The following PALM2AKAP2 variants were observed in gnomAD, a reference collection of about 807,000 sequenced individuals.
PALM2AKAP2 encodes the protein PALM2-AKAP2 fusion protein.
In PALM2AKAP2, 37 loss-of-function variants were observed where a neutral mutation model predicts 71.5. The observed-to-expected ratio is 0.52, with a 90% CI of 0.40 to 0.68. The LOEUF (loss-of-function observed/expected upper bound fraction) is 0.68. PALM2AKAP2 is among the 30% of genes least tolerant of loss of function. PALM2AKAP2 has a pLI of 0.00. For synonymous variants in PALM2AKAP2, 468 were observed against 478.8 expected, an observed-to-expected ratio of 0.98 and a Z score of 0.29; for missense variants, 1,224 against 1,191.8, an observed-to-expected ratio of 1.03 and a Z score of -0.40.
intron 1 of PALM2AKAP2, among the ~76,000 whole-genome samples, chr9:109,648,782 T>C (rs555349190): frequency 6.6e-6 from 1 of 152,346 alleles, no homozygotes; most frequent in East Asian, 1.9e-4. Flanking sequence ...ATCCTCTTTT[T>C]TGAGCATCTT....
At position 110,096,155 on chromosome 9, in the gene PALM2AKAP2, C is replaced by T. The variant is rs371039239; in HGVS notation, c.157-39972C>T. Among the ~76,000 whole-genome samples the T allele has an allele frequency of 1.3e-3, 197 of 152,314 alleles. 4 individuals carry two copies. The South Asian group carries it at 0.04, about 31-fold the overall frequency. On this transcript the variant is annotated intron_variant, in intron 1 of 3. Transcript: ENST00000374525. The stretch of plus-strand genomic sequence containing the variant: ...GCATGATTAATGTCAGAATCAGGTC[C>T]AAAGGCCTCTGGCTCTGGTGATGGC...
chr9:110,098,872 T>C (rs1268011069), intron 1 of PALM2AKAP2, among the ~76,000 whole-genome samples: 1 of 152,196 alleles, frequency 6.6e-6, no homozygotes, highest in Non-Finnish European at 1.5e-5. Context: ...ATATCACAAA[T>C]AACCTATATA....
upstream of PALM2AKAP2, among the ~76,000 whole-genome samples, chr9:110,043,714 GTGTT>G (rs1833545260): frequency 1.0e-5 from 1 of 98,410 alleles, no homozygotes; most frequent in African/African-American, 4.4e-5. Context: ...GTTTTTTTTG[GTGTT>G]TTTTTTTTTT....
intron 1 of PALM2AKAP2, among the ~76,000 whole-genome samples, chr9:109,793,567 A>C (rs1012363389): frequency 1.3e-5 from 2 of 152,120 alleles, no homozygotes; most frequent in African/African-American, 2.4e-5. Flanking sequence ...TTTCCATTTT[A>C]CTAGTGTGAT....
At chr9:110,171,240 A>T (rs974230793) in exon 4 of PALM2AKAP2, 3 of 152,238 alleles carry the variant, frequency 2.0e-5, no homozygotes, top group African/African-American at 7.2e-5. Flanking sequence ...CTTTGACCAC[A>T]GTTGATTGAA....
chr9:109,705,939 A>G (rs1828136789), intron 1 of PALM2AKAP2, among the ~76,000 whole-genome samples: 1 of 152,162 alleles, frequency 6.6e-6, no homozygotes, highest in South Asian at 2.1e-4. Context: ...TAATTCCCCA[A>G]TCCTTCTGCC....
chr9:109,797,225 C>T (rs974090134), intron 1 of PALM2AKAP2, among the ~76,000 whole-genome samples: 16 of 152,164 alleles, frequency 1.1e-4, no homozygotes, highest in African/African-American at 3.1e-4. Flanking sequence ...GTTCTCACTC[C>T]GCTTAGCATG....
chr9:109,781,098 T>A lies in PALM2AKAP2; in HGVS notation c.45+565T>A, dbSNP rs142609533. Among the ~76,000 whole-genome samples, 412 of 152,298 alleles carry A rather than the reference T, an allele frequency of 2.7e-3. 3 individuals carry two copies. The highest frequency in any genetic ancestry group is 9.6e-3 in the African/African-American group (399 of 41,568). On this transcript the variant is annotated intron_variant, in intron 1 of 9. Coordinates refer to the PALM2AKAP2 transcript ENST00000302798. ...GGTCTGGGGACTTCATACAACTGGGTCCTGGTTATAATATTCCATGAGAGC... is the reference window on the plus strand; with the variant it reads ...GGTCTGGGGACTTCATACAACTGGGACCTGGTTATAATATTCCATGAGAGC...
At position 110,109,044 on chromosome 9, in the gene PALM2AKAP2, G is replaced by A. The variant is rs558724166; in HGVS notation, c.157-27083G>A. On this transcript the variant is annotated intron_variant, in intron 1 of 3. Coordinates refer to ENST00000374525, the Ensembl canonical transcript of PALM2AKAP2. Reference sequence around the variant, plus strand: ...TTAAAACTTCAGAAACCGGTCCGGCGCGGTGGCTCATGCCTGTAATCCCAG... The same window carrying A: ...TTAAAACTTCAGAAACCGGTCCGGCACGGTGGCTCATGCCTGTAATCCCAG... Among the ~76,000 whole-genome samples, 9 of 152,142 alleles carry A rather than the reference G, an allele frequency of 5.9e-5. No homozygotes were observed. In the South Asian group the frequency reaches 1.0e-3, roughly 18 times the overall value.
At chr9:110,132,094 C>T (rs1358154726) in intron 1 of PALM2AKAP2, among the ~76,000 whole-genome samples, 2 of 151,098 alleles carry the variant, frequency 1.3e-5, no homozygotes, top group African/African-American at 4.9e-5. Context: ...TCTTATTGAC[C>T]AGGCTGGAGT....
rs192442672 is a variant in PALM2AKAP2 at position 109,866,672 on chromosome 9, G to C, written c.46-819G>C. 4.6e-5 allele frequency among the ~76,000 whole-genome samples: 7 copies of C among 152,284 alleles called. No individual in the cohort carries two copies. In the East Asian group the frequency reaches 1.3e-3, roughly 29 times the overall value. ...AACATTGAGCACTTACTCTGTGCCA[G>C]GTATTGTTCTAGGCCTTTTACGTTA... On this transcript the variant is annotated intron_variant, in intron 1 of 9. Coordinates refer to the PALM2AKAP2 transcript ENST00000302798.
At chr9:109,990,544 G>T (rs746224987) in intron 6 of PALM2AKAP2, among the ~76,000 whole-genome samples, 1 of 152,154 alleles carries the variant, frequency 6.6e-6, no homozygotes, top group African/African-American at 2.4e-5. Context: ...TAAAAAGCAG[G>T]GTCTCAGGGC....
At chr9:109,654,868 C>A (rs1233506531) in intron 1 of PALM2AKAP2, among the ~76,000 whole-genome samples, 1 of 151,728 alleles carries the variant, frequency 6.6e-6, no homozygotes, top group East Asian at 1.9e-4. Flanking sequence ...GGTAGTTTTT[C>A]TTTTCTTTCC....
intron 7 of PALM2AKAP2, among the ~76,000 whole-genome samples, chr9:110,040,822 C>T (rs1217640682): frequency 6.6e-6 from 1 of 152,212 alleles, no homozygotes; most frequent in Non-Finnish European, 1.5e-5. Flanking sequence ...TCTTCTGGGA[C>T]TCCACACTAT....
chr9:110,142,046 T>G (rs75445201), intron 2 of PALM2AKAP2, among the ~76,000 whole-genome samples: 3,161 of 151,464 alleles, frequency 0.021, 128 homozygotes, highest in African/African-American at 0.073. Context: ...ATCTAGAAAT[T>G]ATCTTGTTGG....
intron 1 of PALM2AKAP2, among the ~76,000 whole-genome samples, chr9:109,685,799 C>A (rs187435033): frequency 4.5e-4 from 68 of 152,178 alleles, no homozygotes; most frequent in African/African-American, 1.5e-3. Flanking sequence ...ATGTTTGCTG[C>A]ATTGATGGAC....
chr9:109,951,870 C>T (rs1250623625), intron 6 of PALM2AKAP2, among the ~76,000 whole-genome samples: 4 of 152,196 alleles, frequency 2.6e-5, no homozygotes, highest in African/African-American at 9.7e-5. Context: ...TTGCATGTCT[C>T]TCTCCACAAC....
chr9:110,081,923 ATG>A (rs1403611509), intron 1 of PALM2AKAP2, among the ~76,000 whole-genome samples: 6 of 151,840 alleles, frequency 4.0e-5, no homozygotes, highest in Non-Finnish European at 7.4e-5. Flanking sequence ...GTTCCCCCAT[ATG>A]TGTTCTTATT....
chr9:109,640,945 C>A (rs2132223840), intron 1 of PALM2AKAP2: 2 of 1,443,490 alleles, frequency 1.4e-6, no homozygotes, highest in Non-Finnish European at 1.8e-6. Context: ...AGGCAGATCC[C>A]GCTCGGGTCC....
Sources: allele counts gnomAD v4.1 joint callset (sites outside exome capture counted in the v4.1 genomes callset), GRCh38; gene constraint gnomAD v4.1.1; transcripts MANE v1.5; gene names NCBI Gene and HGNC (gene_info 2026-07-23, HGNC 2026-07-21).